The following NCOA2 variants were observed in gnomAD, a reference collection of about 807,000 sequenced individuals.
NCOA2 encodes the protein nuclear receptor coactivator 2, also known as class E basic helix-loop-helix protein 75.
NCOA2 carries 21 observed loss-of-function variants against 145.1 expected under a neutral mutation model. The observed-to-expected ratio is 0.14, with a 90% CI of 0.10 to 0.21. NCOA2 has a LOEUF of 0.21. Ranked by LOEUF, NCOA2 falls within the 10% of genes least tolerant of loss-of-function variation. The probability of loss-of-function intolerance (pLI) is 1.00; values close to 1 mark genes in which losing one functional copy is unlikely to be tolerated. For synonymous variants in NCOA2, 619 were observed against 637.5 expected (o/e 0.97, Z 0.44); for missense variants, 1,472 against 1,837.6 (o/e 0.80, Z 3.64).
intron 2 of NCOA2, among the ~76,000 whole-genome samples, chr8:70,277,170 G>A (rs1248267896): frequency 6.6e-6 from 1 of 151,858 alleles, no homozygotes; most frequent in Non-Finnish European, 1.5e-5. Flanking sequence ...AATTGCTTCA[G>A]TGATTACGCA....
chr8:70,194,697 T>C (rs1210912559), intron 4 of NCOA2, among the ~76,000 whole-genome samples: 9 of 110,014 alleles, frequency 8.2e-5, no homozygotes, highest in South Asian at 2.6e-4. Flanking sequence ...TTTTTTTTTT[T>C]CCTGACAGGA....
chr8:70,371,885 A>C (rs961875701), intron 1 of NCOA2, among the ~76,000 whole-genome samples: 1 of 152,234 alleles, frequency 6.6e-6, no homozygotes, highest in African/African-American at 2.4e-5. Flanking sequence ...TTAAAAGTGC[A>C]TTATTAGATA....
At chr8:70,311,335 G>T (rs1805103929) in intron 1 of NCOA2, among the ~76,000 whole-genome samples, 1 of 152,112 alleles carries the variant, frequency 6.6e-6, no homozygotes, top group African/African-American at 2.4e-5. Flanking sequence ...AGATGACAAT[G>T]AAGCAGTAAC....
intron 1 of NCOA2, among the ~76,000 whole-genome samples, chr8:70,342,380 T>C (rs1319856161): frequency 6.6e-6 from 1 of 152,112 alleles, no homozygotes; most frequent in East Asian, 1.9e-4. Flanking sequence ...ACTTTGAAGT[T>C]TTCAGAAAAT....
At chr8:70,234,219 C>A (rs1327465269) in intron 2 of NCOA2, among the ~76,000 whole-genome samples, 1 of 152,182 alleles carries the variant, frequency 6.6e-6, no homozygotes, top group Non-Finnish European at 1.5e-5. Context: ...GCCAAATATT[C>A]CATTGTATAG....
intron 1 of NCOA2, among the ~76,000 whole-genome samples, chr8:70,371,991 A>AT (rs938928618): frequency 3.7e-4 from 56 of 152,304 alleles, no homozygotes; most frequent in African/African-American, 2.4e-4. Context: ...TATCTTTATA[A>AT]TTTTTTTACC....
intron 12 of NCOA2, among the ~76,000 whole-genome samples, chr8:70,145,712 G>A (rs1810982764): frequency 6.6e-6 from 1 of 151,502 alleles, no homozygotes; most frequent in African/African-American, 2.4e-5. Flanking sequence ...TTTAACTCCT[G>A]GGCTTAAGAA....
At chr8:70,341,257 C>A (rs1358534732) in intron 1 of NCOA2, among the ~76,000 whole-genome samples, 1 of 151,930 alleles carries the variant, frequency 6.6e-6, no homozygotes, top group Non-Finnish European at 1.5e-5. Context: ...GTAGCACATG[C>A]CAGCACATGC....
chr8:70,244,319 A>C (rs932782261), intron 2 of NCOA2, among the ~76,000 whole-genome samples: 9 of 152,072 alleles, frequency 5.9e-5, no homozygotes, highest in African/African-American at 1.7e-4. Flanking sequence ...CCAATCTCAG[A>C]CTTTCAAGTG....
At chr8:70,445,753 A>G in the NCOA2 span, among the ~76,000 whole-genome samples, 2 of 152,298 alleles carry the variant, frequency 1.3e-5, no homozygotes, top group South Asian at 2.1e-4. Context: ...CCACTGGAAG[A>G]CTTTTGTGTT....
intron 22 of NCOA2, among the ~76,000 whole-genome samples, chr8:70,116,085 G>C (rs747340340): frequency 6.6e-6 from 1 of 151,286 alleles, no homozygotes; most frequent in Non-Finnish European, 1.5e-5. Context: ...TACTAGGGAG[G>C]CTGAGGAAGG....
intron 4 of NCOA2, among the ~76,000 whole-genome samples, chr8:70,194,866 G>A (rs549937404): frequency 2.0e-5 from 3 of 152,078 alleles, no homozygotes; most frequent in African/African-American, 7.2e-5. Context: ...CCAAATGGCA[G>A]ACAAAGCCAA....
intron 4 of NCOA2, among the ~76,000 whole-genome samples, chr8:70,188,484 TAATAA>T: frequency 6.6e-6 from 1 of 152,322 alleles, no homozygotes; most frequent in Admixed American, 6.5e-5. Flanking sequence ...TTATGAGACT[TAATAA>T]AATAATGCAT....
At chr8:70,336,973 G>A (rs944568154) in intron 1 of NCOA2, among the ~76,000 whole-genome samples, 1 of 152,066 alleles carries the variant, frequency 6.6e-6, no homozygotes, top group Non-Finnish European at 1.5e-5. Flanking sequence ...ATGGAAAAAA[G>A]TCATCTTCCA....
intron 4 of NCOA2, among the ~76,000 whole-genome samples, chr8:70,192,839 C>T (rs987353839): frequency 4.0e-5 from 6 of 151,876 alleles, no homozygotes; most frequent in Non-Finnish European, 7.4e-5. Flanking sequence ...GAGGCGGAGG[C>T]GGGCAGATCA....
At chr8:70,296,326 G>T (rs1468651786) in intron 2 of NCOA2, among the ~76,000 whole-genome samples, 15 of 152,202 alleles carry the variant, frequency 9.9e-5, no homozygotes, top group Admixed American at 9.2e-4. Context: ...GTAAGTCTGA[G>T]ATTTGCTGCT....
chr8:70,162,993 C>A (rs1813214182), intron 8 of NCOA2, 139 bp from the exon 9 acceptor site: 8 of 763,480 alleles, frequency 1.0e-5, no homozygotes, highest in Non-Finnish European at 1.6e-5. Flanking sequence ...CAGCTCACTG[C>A]AACCTCTACC....
chr8:70,268,643 T>TA (rs914854963), intron 2 of NCOA2, among the ~76,000 whole-genome samples: 3 of 152,278 alleles, frequency 2.0e-5, no homozygotes, highest in South Asian at 2.1e-4. Context: ...TATGTTAACT[T>TA]AAAAAAATTA....
intron 2 of NCOA2, among the ~76,000 whole-genome samples, chr8:70,239,193 G>A (rs1247489453): frequency 6.6e-6 from 1 of 152,112 alleles, no homozygotes; most frequent in Non-Finnish European, 1.5e-5. Context: ...TGGAGGTGAT[G>A]GGAGATCAAA....
Sources: allele counts gnomAD v4.1 joint callset (sites outside exome capture counted in the v4.1 genomes callset), GRCh38; gene constraint gnomAD v4.1.1; transcripts MANE v1.5; gene names NCBI Gene and HGNC (gene_info 2026-07-23, HGNC 2026-07-21).